PDS5B: variants seen among roughly 807,000 people sequenced by gnomAD.
PDS5B encodes the protein sister chromatid cohesion protein PDS5 homolog B.
PDS5B carries 51 observed loss-of-function variants against 184.1 expected under a neutral mutation model. The ratio of observed to expected loss-of-function variants is 0.28; its 90% CI spans 0.22 to 0.35. The LOEUF (loss-of-function observed/expected upper bound fraction) is 0.35, where lower values mean the gene tolerates loss of function less well. Among genes scored for constraint, PDS5B ranks in the 10% least tolerant of loss-of-function variants. The pLI is 1.00. For missense variants in PDS5B, 1,180 were observed against 1,723.3 expected (o/e 0.68, Z 5.58); for synonymous variants, 566 against 569.2 (o/e 0.99, Z 0.08).
chr13:32,632,696 A>C (rs972301428), intron 1 of PDS5B, among the ~76,000 whole-genome samples: 1 of 152,252 alleles, frequency 6.6e-6, no homozygotes, highest in East Asian at 1.9e-4. Context: ...TTTGTACAGC[A>C]GTGTTTATTG....
chr13:32,697,794 T>C (rs1486883054), intron 15 of PDS5B, among the ~76,000 whole-genome samples: 1 of 152,214 alleles, frequency 6.6e-6, no homozygotes, highest in Non-Finnish European at 1.5e-5. Flanking sequence ...CAAAGCTATC[T>C]TGACCTCCTG....
chr13:32,701,466 C>A, intron 17 of PDS5B, 28 bp downstream of exon 17: 1 of 1,289,664 alleles, frequency 7.8e-7, no homozygotes, highest in South Asian at 1.2e-5. Flanking sequence ...ACTAAGTTCT[C>A]ATTGCTGTTC....
At chr13:32,744,206 A>G (rs1219104532) in intron 23 of PDS5B, among the ~76,000 whole-genome samples, 1 of 152,196 alleles carries the variant, frequency 6.6e-6, no homozygotes, top group African/African-American at 2.4e-5. Context: ...GGATAACAAT[A>G]GTATCTCCTT....
intron 19 of PDS5B, among the ~76,000 whole-genome samples, chr13:32,717,427 C>A (rs1334117121): frequency 4.1e-5 from 6 of 147,402 alleles, no homozygotes; most frequent in African/African-American, 1.0e-4. Flanking sequence ...GTGCTGTGTC[C>A]ACTCAGGGTT....
chr13:32,711,123 G>C (rs1409258536), intron 19 of PDS5B, among the ~76,000 whole-genome samples: 1 of 151,800 alleles, frequency 6.6e-6, no homozygotes, highest in Non-Finnish European at 1.5e-5. Context: ...TTCCTGAGTA[G>C]CTGGGATTAC....
At chr13:32,742,459 A>G in intron 22 of PDS5B, 132 bp from the exon 23 acceptor site, 1 of 665,798 alleles carries the variant, frequency 1.5e-6, no homozygotes, top group Non-Finnish European at 2.5e-6. Flanking sequence ...GATTATCTTC[A>G]TATATACAGA....
intron 7 of PDS5B, among the ~76,000 whole-genome samples, chr13:32,668,640 C>T (rs1402520305): frequency 2.0e-5 from 3 of 152,034 alleles, no homozygotes. Context: ...ACAGTTCAGT[C>T]CCTCCACCTG....
At chr13:32,749,071 G>A (rs886745784) in intron 24 of PDS5B, among the ~76,000 whole-genome samples, 36 of 152,052 alleles carry the variant, frequency 2.4e-4, no homozygotes, top group African/African-American at 7.2e-4. Flanking sequence ...ACAACTGCAC[G>A]TATTTTACAA....
At chr13:32,615,161 T>C (rs2058199860) in intron 1 of PDS5B, among the ~76,000 whole-genome samples, 1 of 152,244 alleles carries the variant, frequency 6.6e-6, no homozygotes, top group Middle Eastern at 3.2e-3. Context: ...TTGTCTATTT[T>C]ATAACTTGAT....
rs1426692574 is a variant in PDS5B, at chr13:32,687,154, C to T, written c.1224C>T (p.Ala408=). ...LDKRWRVRKE[A]MMGLAQIYKK... ...TTAAGTGGAGAGTACGCAAAGAAGC[C>T]ATGATGGGACTTGCCCAAATTTATA... The change falls in exon 12 of 35, where the codon GCC becomes GCT. Residue 408 remains alanine (A), a synonymous_variant. Coordinates refer to ENST00000315596, the MANE Select transcript of PDS5B (RefSeq NM_015032.4). 1.2e-6 allele frequency: 2 copies of T among 1,604,268 alleles called. No individual in the cohort carries two copies. The highest frequency in any genetic ancestry group is 1.3e-5 in the African/African-American group (1 of 74,142).
In PDS5B at chr13:32,760,660, A is replaced by G. The variant is rs1400861161; in HGVS notation, c.3458A>G (p.Glu1153Gly). ...KQSQTKSSRMETVSNASSSSN... is the reference protein window; with the variant it reads ...KQSQTKSSRMGTVSNASSSSN... The stretch of plus-strand genomic sequence containing the variant: ...TCTCAGACCAAATCATCACGAATGG[A>G]AACTGTAAGCAATGCAAGCAGCAGC... Residue 1153 changes from glutamate (E) to glycine (G), a missense_variant, in exon 30 of 35, where the codon GAA becomes GGA. Physicochemically the swap from Glu to Gly is moderately conservative, Grantham distance 98 (BLOSUM62 -2). Around this residue, in one of 11 missense-constraint regions of PDS5B, gnomAD observed 465 missense variants for 497.8 expected, o/e 0.93. Coordinates refer to ENST00000315596, the MANE Select transcript of PDS5B (RefSeq NM_015032.4). 1.2e-6 allele frequency: 2 copies of G among 1,614,086 alleles called. No homozygotes were observed. Among genetic ancestry groups the G allele is most frequent in the South Asian group, 1.1e-5 (1 of 91,076 alleles).
intron 17 of PDS5B, among the ~76,000 whole-genome samples, chr13:32,704,278 C>T (rs146388049): frequency 1.1e-4 from 17 of 152,230 alleles, no homozygotes; most frequent in Middle Eastern, 3.4e-3. Context: ...AAGCAATTCT[C>T]CTGCCTCAGC....
chr13:32,758,725 A>G, intron 28 of PDS5B, 72 bp downstream of exon 28: 1 of 1,468,242 alleles, frequency 6.8e-7, no homozygotes, highest in Non-Finnish European at 9.4e-7. Context: ...TAGGAAGATC[A>G]GGAAGGATCA....
intron 31 of PDS5B, among the ~76,000 whole-genome samples, chr13:32,765,414 G>A (rs567504681): frequency 2.6e-5 from 4 of 152,282 alleles, no homozygotes; most frequent in African/African-American, 9.6e-5. Context: ...TAAAATGTTC[G>A]AATCTACGTG....
chr13:32,700,235 T>C (rs1332957245), intron 16 of PDS5B, among the ~76,000 whole-genome samples: 2 of 152,122 alleles, frequency 1.3e-5, no homozygotes, highest in Non-Finnish European at 2.9e-5. Context: ...TAATTAATAT[T>C]TTTACACAGT....
At chr13:32,760,863 A>G (rs1954370441) in intron 30 of PDS5B, 143 bp downstream of exon 30, 2 of 770,722 alleles carry the variant, frequency 2.6e-6, no homozygotes, top group South Asian at 3.9e-5. Context: ...ATTGGTAGTC[A>G]CAAGTTCATA....
chr13:32,661,091 CAAT>C, intron 6 of PDS5B, among the ~76,000 whole-genome samples: 1 of 151,950 alleles, frequency 6.6e-6, no homozygotes, highest in Non-Finnish European at 1.5e-5. Context: ...AACTCATTAG[CAAT>C]GAAAAATGGC....
intron 20 of PDS5B, among the ~76,000 whole-genome samples, chr13:32,734,487 T>C (rs1953247772): frequency 6.6e-6 from 1 of 152,208 alleles, no homozygotes; most frequent in Non-Finnish European, 1.5e-5. Context: ...GGTGCTATAA[T>C]GAAGATCCCC....
intron 1 of PDS5B, among the ~76,000 whole-genome samples, chr13:32,617,570 G>T (rs1169997177): frequency 6.6e-6 from 1 of 152,124 alleles, no homozygotes; most frequent in African/African-American, 2.4e-5. Flanking sequence ...AGAGGAGGCT[G>T]GTCCCTGTGA....
Sources: allele counts gnomAD v4.1 joint callset (sites outside exome capture counted in the v4.1 genomes callset), GRCh38; gene constraint gnomAD v4.1.1; regional missense constraint gnomAD v4.1.1; transcripts MANE v1.5; gene names NCBI Gene and HGNC (gene_info 2026-07-23, HGNC 2026-07-21).